RPS6KA3: variants seen among roughly 807,000 people sequenced by gnomAD.
RPS6KA3 encodes ribosomal protein S6 kinase alpha-3.
In RPS6KA3, 4 loss-of-function variants were observed where a neutral mutation model predicts 67.2. The observed-to-expected ratio is 0.06, with a 90% CI of 0.03 to 0.14. The LOEUF is 0.14. RPS6KA3 is among the 10% of genes least tolerant of loss of function. The pLI is 1.00. For synonymous variants in RPS6KA3, 182 were observed against 183.7 expected (o/e 0.99, Z 0.07); for missense variants, 204 against 559.0 (o/e 0.36, Z 6.40).
chrX:20,193,451 T>G (rs200733216), intron 7 of RPS6KA3, 36 bp downstream of exon 7: 1 of 803,870 alleles, frequency 1.2e-6, no homozygotes, highest in East Asian at 3.2e-5. Flanking sequence ...AACAATCATA[T>G]TACATTGTAT....
Position 20,177,045 on chromosome X carries a change from C to A in RPS6KA3, c.885G>T (p.Ala295=), listed in dbSNP as rs199789130. 4.1e-6 allele frequency: 5 copies of A among 1,206,589 alleles called. No homozygotes were observed. In the Admixed American group the frequency reaches 8.7e-5, roughly 21 times the overall value. ...LGMPQFLSPE[A]QSLLRMLFKR... ...TGAAAAGCATTCGTAAAAGACTCTG[C>A]GCTTCAGGACTCAAAAACTGTGGCA... Residue 295 remains alanine, a synonymous_variant, in exon 11 of 22, where the codon GCG becomes GCT. Coordinates refer to ENST00000379565, the MANE Select transcript of RPS6KA3 (RefSeq NM_004586.3).
intron 7 of RPS6KA3, among the ~76,000 whole-genome samples, chrX:20,191,695 C>T (rs1435137743): frequency 2.7e-5 from 3 of 111,730 alleles, no homozygotes; most frequent in African/African-American, 9.8e-5. Flanking sequence ...TGTTCATATC[C>T]GAGAGAAATA....
chrX:20,189,603 T>C (rs2068073587), intron 7 of RPS6KA3, among the ~76,000 whole-genome samples: 1 of 111,932 alleles, frequency 8.9e-6, no homozygotes, highest in Non-Finnish European at 1.9e-5. Context: ...AAGCCAATAA[T>C]TGTGTTAAGT....
chrX:20,212,244 T>A (rs1367484249), intron 2 of RPS6KA3, among the ~76,000 whole-genome samples: 3 of 111,937 alleles, frequency 2.7e-5, no homozygotes, highest in South Asian at 3.7e-4. Context: ...ATGCCTGTAA[T>A]CCCAGCACTT....
chrX:20,266,889 C>A lies in RPS6KA3; in HGVS notation c.-257G>T, dbSNP rs1275443934. The stretch of plus-strand genomic sequence containing the variant: ...GCGAGAGCCTCGCGCCTCCGCTGGG[C>A]ACCGGGTCTCGCCCCTTTCTTCCTC... On this transcript the variant is annotated 5_prime_UTR_variant, in exon 1 of 22. Transcript: ENST00000379565. 7.5e-6 allele frequency: 4 copies of A among 533,507 alleles called. No homozygotes were observed. Among genetic ancestry groups the A allele is most frequent in the African/African-American group, 5.1e-5 (2 of 39,076 alleles). The allele number at this position is 533,507 out of a possible 1,213,427, so 44.0% of individuals were successfully genotyped here.
intron 1 of RPS6KA3, among the ~76,000 whole-genome samples, chrX:20,257,413 C>G (rs58874271): frequency 0.35 from 38,814 of 111,008 alleles, 7,533 homozygotes; most frequent in African/African-American, 0.75. Flanking sequence ...AGATAGTTTA[C>G]ATAAAATTAA....
In RPS6KA3 at chrX:20,161,721, C is replaced by T; in HGVS notation, c.1882G>A (p.Glu628Lys). ...CCGCTACCTATTCGTGCCAATATTTCCTCTGGTGTATCATCAGGACCATTT... is the reference window on the plus strand; with the variant it reads ...CCGCTACCTATTCGTGCCAATATTTTCTCTGGTGTATCATCAGGACCATTT... ...FANGPDDTPE[E>K]ILARIGSGKF... The change falls in exon 20 of 22, where the codon GAA becomes AAA. Residue 628 changes from glutamate to lysine, a missense_variant. Glu to Lys is a moderately conservative substitution (Grantham distance 56). Transcript: ENST00000379565. The T allele has an allele frequency of 2.6e-6, 3 of 1,154,912 alleles. No homozygotes were observed. Among genetic ancestry groups the T allele is most frequent in the Non-Finnish European group, 3.5e-6 (3 of 857,285 alleles).
intron 10 of RPS6KA3, among the ~76,000 whole-genome samples, chrX:20,179,678 T>A (rs1435393153): frequency 9.4e-6 from 1 of 106,832 alleles, no homozygotes; most frequent in Non-Finnish European, 2.0e-5. Flanking sequence ...AAGAATTAAG[T>A]ATTTATTCTC....
intron 1 of RPS6KA3, among the ~76,000 whole-genome samples, chrX:20,257,437 TATG>T (rs2070103422): frequency 8.9e-6 from 1 of 112,356 alleles, no homozygotes; most frequent in Non-Finnish European, 1.9e-5. Flanking sequence ...GTTGTATTGA[TATG>T]ATGTGGATGA....
chrX:20,210,268 T>C (rs1204459904), intron 2 of RPS6KA3, among the ~76,000 whole-genome samples: 2 of 112,221 alleles, frequency 1.8e-5, no homozygotes, highest in African/African-American at 6.5e-5. Context: ...CGGTATGTTA[T>C]AGTCAAAAAT....
chrX:20,219,149 C>T (rs972129009), intron 2 of RPS6KA3, among the ~76,000 whole-genome samples: 2 of 111,863 alleles, frequency 1.8e-5, no homozygotes, highest in Admixed American at 9.5e-5. Context: ...CCCAGCAATC[C>T]GGACAATTTT....
chrX:20,157,471 T>C (rs1286557293), intron 20 of RPS6KA3, among the ~76,000 whole-genome samples: 6 of 93,414 alleles, frequency 6.4e-5, no homozygotes, highest in Non-Finnish European at 1.2e-4. Flanking sequence ...CACTGTACTC[T>C]AGTCTGGGCA....
At chrX:20,195,526 A>G (rs2068249533) in intron 4 of RPS6KA3, among the ~76,000 whole-genome samples, 1 of 112,145 alleles carries the variant, frequency 8.9e-6, no homozygotes, top group African/African-American at 3.2e-5. Flanking sequence ...TCAACATTCC[A>G]TCAGTCCTAT....
intron 1 of RPS6KA3, among the ~76,000 whole-genome samples, chrX:20,241,033 T>A (rs1006573000): frequency 2.7e-5 from 3 of 111,225 alleles, no homozygotes; most frequent in Non-Finnish European, 5.7e-5. Context: ...ATTAGAAAAA[T>A]CAGTTTATTT....
intron 2 of RPS6KA3, among the ~76,000 whole-genome samples, chrX:20,219,598 TA>T (rs904478117): frequency 9.0e-6 from 1 of 110,727 alleles, no homozygotes; most frequent in Non-Finnish European, 1.9e-5. Flanking sequence ...AAATATAAGT[TA>T]AAAAAAAGAA....
chrX:20,185,654 T>C (rs1427900742), intron 10 of RPS6KA3, among the ~76,000 whole-genome samples: 1 of 112,171 alleles, frequency 8.9e-6, no homozygotes, highest in Non-Finnish European at 1.9e-5. Context: ...ATGATAATTT[T>C]ATTTCTTCTT....
chrX:20,238,292 G>A (rs1279590318), intron 1 of RPS6KA3, among the ~76,000 whole-genome samples: 1 of 111,353 alleles, frequency 9.0e-6, no homozygotes, highest in African/African-American at 3.3e-5. Flanking sequence ...TTATGTTAAT[G>A]CAGTTCACAT....
chrX:20,222,924 C>G (rs902705351), intron 2 of RPS6KA3, among the ~76,000 whole-genome samples: 2 of 111,741 alleles, frequency 1.8e-5, no homozygotes, highest in Non-Finnish European at 3.8e-5. Flanking sequence ...TGGAGATACA[C>G]TCACTAATTC....
At chrX:20,242,037 A>G (rs1001454813) in intron 1 of RPS6KA3, among the ~76,000 whole-genome samples, 1 of 111,898 alleles carries the variant, frequency 8.9e-6, no homozygotes, top group African/African-American at 3.2e-5. Context: ...CACCAACCTA[A>G]TATCTAGAAA....
Sources: gnomAD v4.1 joint callset for allele counts (sites outside exome capture counted in the v4.1 genomes callset) on GRCh38, gnomAD v4.1.1 for gene constraint, MANE v1.5 for transcripts, NCBI Gene and HGNC (gene_info 2026-07-23, HGNC 2026-07-21) for gene names.